ASAH2: variants seen among roughly 807,000 people sequenced by gnomAD.
ASAH2 encodes the protein neutral ceramidase.
A neutral mutation model predicts 82.9 loss-of-function variants in ASAH2; 58 were observed. That is an observed-to-expected ratio of 0.70 (90% confidence interval 0.57 to 0.87). The LOEUF (loss-of-function observed/expected upper bound fraction) is 0.87. Ranked by LOEUF, ASAH2 falls within the 40% of genes least tolerant of loss-of-function variation. ASAH2 has a pLI of 0.00. For synonymous variants in ASAH2, 276 were observed against 289.7 expected (o/e 0.95, Z 0.48); for missense variants, 779 against 834.0 (o/e 0.93, Z 0.81).
chr10:50,217,378 C>A (rs528271367), intron 8 of ASAH2, among the ~76,000 whole-genome samples: 5 of 152,154 alleles, frequency 3.3e-5, no homozygotes, highest in African/African-American at 9.6e-5. Flanking sequence ...TAGGCACACA[C>A]CACCATGCCC....
At position 50,187,084 on chromosome 10, in the gene ASAH2, C is replaced by CAT; in HGVS notation, c.*230_*231insAT. On this transcript the variant is annotated 3_prime_UTR_variant, in exon 21 of 21. Coordinates refer to ENST00000682911, the MANE Select transcript of ASAH2 (RefSeq NM_019893.4). Reference sequence around the variant, plus strand: ...GCTGGAGCAAGATATATGGGACAAACCTCTCTCTCTCTCTCTCTCTCTCTC... The same window carrying CAT: ...GCTGGAGCAAGATATATGGGACAAACATCTCTCTCTCTCTCTCTCTCTCTCTC... 5.6e-6 allele frequency: 1 copy of CAT among 178,798 alleles called. No individual in the cohort carries two copies. Among genetic ancestry groups the CAT allele is most frequent in the Non-Finnish European group, 1.0e-5 (1 of 96,660 alleles). The allele number at this position is 178,798 out of a possible 1,614,324, so 11.1% of individuals were successfully genotyped here. A position where few individuals can be genotyped will look rare whatever the true frequency, so the allele number is the denominator to read the frequency against.
At chr10:50,229,681 C>T (rs1316680243) in intron 7 of ASAH2, among the ~76,000 whole-genome samples, 5 of 152,146 alleles carry the variant, frequency 3.3e-5, no homozygotes, top group African/African-American at 9.7e-5. Flanking sequence ...CTCTGCACTC[C>T]AGCCACACTC....
chr10:50,215,818 C>T (rs1387571762), intron 8 of ASAH2, among the ~76,000 whole-genome samples: 1 of 152,114 alleles, frequency 6.6e-6, no homozygotes, highest in African/African-American at 2.4e-5. Flanking sequence ...TGGGTATATA[C>T]CCAAAGGATT....
At position 50,202,866 on chromosome 10, in the gene ASAH2, ACGTTGC is replaced by A. The variant is rs1845191306; in HGVS notation, c.1718_1723del (p.Cys573_Val575delinsPhe). 6.2e-7 allele frequency: 1 copy of A among 1,611,910 alleles called. No homozygotes were observed. The highest frequency in any genetic ancestry group is 8.5e-7 in the Non-Finnish European group (1 of 1,178,474). ...ATAAGTGGTAATGTAATGTGTATAG[ACGTTGC>A]ATAGACCTGAAATAACAACAGTCAT... On this transcript the variant is annotated inframe_deletion, in exon 16 of 21. Coordinates refer to ENST00000682911, the MANE Select transcript of ASAH2 (RefSeq NM_019893.4).
chr10:50,204,051 A>G (rs1459522587), intron 14 of ASAH2, among the ~76,000 whole-genome samples: 4 of 152,034 alleles, frequency 2.6e-5, no homozygotes, highest in African/African-American at 9.7e-5. Context: ...AATGTGGCTG[A>G]ATCAGAGGTG....
intron 12 of ASAH2, among the ~76,000 whole-genome samples, chr10:50,207,992 T>A (rs1410654230): frequency 2.0e-5 from 3 of 151,982 alleles, no homozygotes; most frequent in Admixed American, 6.6e-5. Context: ...ATTCCAGGAA[T>A]ACAAAGTTGG....
intron 1 of ASAH2, among the ~76,000 whole-genome samples, 166 bp from the exon 2 acceptor site, chr10:50,248,812 C>A (rs1015083779): frequency 6.6e-6 from 1 of 152,230 alleles, no homozygotes; most frequent in Non-Finnish European, 1.5e-5. Context: ...CAATCAATTA[C>A]AGCATTCTTT....
intron 9 of ASAH2, among the ~76,000 whole-genome samples, chr10:50,213,853 T>G (rs1845527765): frequency 6.6e-6 from 1 of 152,088 alleles, no homozygotes; most frequent in Non-Finnish European, 1.5e-5. Context: ...TTAACCCCAT[T>G]GGGTGGAGTT....
At chr10:50,232,207 C>T in intron 7 of ASAH2, among the ~76,000 whole-genome samples, 1 of 152,130 alleles carries the variant, frequency 6.6e-6, no homozygotes. Context: ...AAGTTTTATT[C>T]ACATAGCATC....
chr10:50,248,970 G>A (rs10825492), intron 1 of ASAH2, among the ~76,000 whole-genome samples: 16,977 of 152,232 alleles, frequency 0.11, 1,199 homozygotes, highest in East Asian at 0.34. Flanking sequence ...TTTCATTTAT[G>A]GCGATGATGC....
Position 50,243,210 on chromosome 10 carries a change from T to C in ASAH2, c.502A>G (p.Arg168Gly). 6.2e-7 allele frequency: 1 copy of C among 1,614,020 alleles called. No individual in the cohort carries two copies. The highest frequency in any genetic ancestry group is 8.5e-7 in the Non-Finnish European group (1 of 1,179,918). Residue 168 changes from arginine to glycine, a missense_variant, in exon 4 of 21, where the codon AGG becomes GGG. Physicochemically the swap from Arg to Gly is moderately radical, Grantham distance 125. Coordinates refer to ENST00000682911, the MANE Select transcript of ASAH2 (RefSeq NM_019893.4). The stretch of plus-strand genomic sequence containing the variant: ...CCTCTCAAATCACTTACCTCCAGCC[T>C]GAGCCTTTGTGATACCATGCCTATG... Reference protein sequence around the residue: ...IDIGMVSQRLRLEVLNRLQSK... With the variant: ...IDIGMVSQRLGLEVLNRLQSK...
chr10:50,228,688 C>A (rs971080686), intron 7 of ASAH2, among the ~76,000 whole-genome samples: 1 of 151,726 alleles, frequency 6.6e-6, no homozygotes, highest in Non-Finnish European at 1.5e-5. Context: ...GGCTCCCTTA[C>A]AAGACCACTG....
intron 12 of ASAH2, 31 bp downstream of exon 12, chr10:50,210,792 A>C: frequency 2.0e-6 from 3 of 1,530,082 alleles, no homozygotes; most frequent in Non-Finnish European, 2.7e-6. Context: ...TCAGAAGCTG[A>C]AACCATAGAT....
chr10:50,219,203 G>A (rs1845683018), intron 7 of ASAH2, among the ~76,000 whole-genome samples: 1 of 152,234 alleles, frequency 6.6e-6, no homozygotes, highest in Non-Finnish European at 1.5e-5. Flanking sequence ...TAAATGCACA[G>A]AGGTGTAAAA....
intron 10 of ASAH2, among the ~76,000 whole-genome samples, chr10:50,211,878 T>C (rs1199764800): frequency 6.6e-6 from 1 of 152,086 alleles, no homozygotes; most frequent in African/African-American, 2.4e-5. Context: ...CCTGCCACTC[T>C]TAATTAAGAG....
At chr10:50,209,217 T>G (rs948981859) in intron 12 of ASAH2, among the ~76,000 whole-genome samples, 1 of 152,256 alleles carries the variant, frequency 6.6e-6, no homozygotes, top group East Asian at 1.9e-4. Flanking sequence ...CTTCATGACA[T>G]TGAATCTGGA....
chr10:50,229,234 G>A (rs1845968598), intron 7 of ASAH2, among the ~76,000 whole-genome samples: 1 of 152,060 alleles, frequency 6.6e-6, no homozygotes, highest in East Asian at 1.9e-4. Context: ...ACCTTACAGA[G>A]TCTCCCAAAG....
At chr10:50,197,641 T>G (rs1296190174) in intron 17 of ASAH2, among the ~76,000 whole-genome samples, 1 of 152,020 alleles carries the variant, frequency 6.6e-6, no homozygotes, top group African/African-American at 2.4e-5. Flanking sequence ...ATTCCCATTT[T>G]GCAAATGAGA....
chr10:50,209,019 G>T (rs2133205184), intron 12 of ASAH2, among the ~76,000 whole-genome samples: 1 of 152,290 alleles, frequency 6.6e-6, no homozygotes, highest in East Asian at 1.9e-4. Flanking sequence ...TAACAAGTGT[G>T]CCAAGATTAT....
Sources: allele counts gnomAD v4.1 joint callset (sites outside exome capture counted in the v4.1 genomes callset), GRCh38; gene constraint gnomAD v4.1.1; transcripts MANE v1.5; gene names NCBI Gene and HGNC (gene_info 2026-07-23, HGNC 2026-07-21).